Variants in NTN1 observed in about 807,000 individuals in gnomAD.
The protein encoded by NTN1 is netrin-1.
A neutral mutation model predicts 54.2 loss-of-function variants in NTN1; 11 were observed. The observed-to-expected ratio is 0.20, with a 90% CI of 0.13 to 0.34. The LOEUF is 0.34. Among genes scored for constraint, NTN1 ranks in the 10% least tolerant of loss-of-function variants. The pLI is 1.00. For synonymous variants in NTN1, 371 were observed against 382.0 expected (o/e 0.97, Z 0.33); for missense variants, 740 against 893.1 (o/e 0.83, Z 2.18).
At chr17:9,234,209 C>T (rs1379967688) in intron 6 of NTN1, among the ~76,000 whole-genome samples, 1 of 152,220 alleles carries the variant, frequency 6.6e-6, no homozygotes, top group Non-Finnish European at 1.5e-5. Flanking sequence ...CCTCTTAGCT[C>T]GCACTGTCCT....
Position 9,022,354 on chromosome 17 carries a change from C to T in NTN1, c.-20C>T. On this transcript the variant is annotated 5_prime_UTR_variant, in exon 2 of 7. Coordinates refer to ENST00000173229, the MANE Select transcript of NTN1 (RefSeq NM_004822.3). ...GGACAGATCCTCGGCGCGGCAGGGC[C>T]GGGGCAAGCTGGACGCAGCATGATG... 1 of 1,282,368 alleles carries T rather than the reference C, an allele frequency of 7.8e-7. No individual in the cohort carries two copies. Among genetic ancestry groups the T allele is most frequent in the Admixed American group, 4.2e-5 (1 of 23,646 alleles). The allele number at this position is 1,282,368 out of a possible 1,614,324, so 79.4% of individuals were successfully genotyped here.
intron 2 of NTN1, among the ~76,000 whole-genome samples, chr17:9,059,963 A>C (rs891980189): frequency 1.3e-5 from 2 of 152,164 alleles, no homozygotes; most frequent in Non-Finnish European, 2.9e-5. Flanking sequence ...CACAGTGGCA[A>C]AAATGGCACC....
intron 2 of NTN1, among the ~76,000 whole-genome samples, chr17:9,056,034 A>G (rs1325343705): frequency 1.3e-5 from 2 of 151,716 alleles, no homozygotes; most frequent in African/African-American, 4.8e-5. Flanking sequence ...AGAAGCTGGG[A>G]CTACAGGTGC....
chr17:9,012,996 C>G, the NTN1 span, among the ~76,000 whole-genome samples: 1 of 151,888 alleles, frequency 6.6e-6, no homozygotes, highest in Admixed American at 6.6e-5. Flanking sequence ...GGGATGTATA[C>G]ATTCTAGGAG....
intron 2 of NTN1, among the ~76,000 whole-genome samples, chr17:9,092,244 T>C (rs557053970): frequency 1.1e-4 from 17 of 151,968 alleles, no homozygotes; most frequent in African/African-American, 3.9e-4. Context: ...GTTGTGTAAA[T>C]GTGTCAGAAT....
intron 2 of NTN1, among the ~76,000 whole-genome samples, chr17:9,154,061 G>C (rs1429089833): frequency 6.6e-6 from 1 of 152,218 alleles, no homozygotes; most frequent in Non-Finnish European, 1.5e-5. Flanking sequence ...GGTCCCCGTA[G>C]GGGTCATCCA....
At chr17:9,202,979 T>C (rs1045927193) in intron 5 of NTN1, among the ~76,000 whole-genome samples, 4 of 152,208 alleles carry the variant, frequency 2.6e-5, no homozygotes, top group Non-Finnish European at 4.4e-5. Context: ...TAGAGTGCAG[T>C]GGCGCGATCT....
At chr17:9,086,840 C>A (rs1304215375) in intron 2 of NTN1, among the ~76,000 whole-genome samples, 1 of 152,112 alleles carries the variant, frequency 6.6e-6, no homozygotes. Context: ...GTCATCATCA[C>A]CATTATTGTC....
intron 6 of NTN1, among the ~76,000 whole-genome samples, chr17:9,227,414 G>A (rs1905614448): frequency 7.5e-6 from 1 of 132,598 alleles, no homozygotes; most frequent in African/African-American, 2.9e-5. Flanking sequence ...CACACCACAT[G>A]CACACATACA....
At chr17:9,207,203 T>C (rs1005483856) in intron 5 of NTN1, among the ~76,000 whole-genome samples, 3 of 152,068 alleles carry the variant, frequency 2.0e-5, no homozygotes, top group African/African-American at 7.2e-5. Flanking sequence ...AACTGAAAAA[T>C]GTATCACTGC....
chr17:9,108,933 G>C (rs1229334340), intron 2 of NTN1, among the ~76,000 whole-genome samples: 1 of 152,034 alleles, frequency 6.6e-6, no homozygotes, highest in Non-Finnish European at 1.5e-5. Context: ...CTGGAGTGCA[G>C]TGGTGTGATC....
At chr17:9,045,224 C>G (rs34094467) in intron 2 of NTN1, among the ~76,000 whole-genome samples, 1 of 152,192 alleles carries the variant, frequency 6.6e-6, no homozygotes, top group African/African-American at 2.4e-5. Flanking sequence ...GGCTCACTCC[C>G]GTCTGTACAT....
rs2142275008 is a variant in NTN1 at position 9,135,961 on chromosome 17, C to A, written c.1019-26852C>A. ...GCGCACGCTCACTCATACATGTGTGCACGTGCCTACTCAAACTCGACACCC... is the reference window on the plus strand; with the variant it reads ...GCGCACGCTCACTCATACATGTGTGAACGTGCCTACTCAAACTCGACACCC... On this transcript the variant is annotated intron_variant, in intron 2 of 6. Coordinates refer to ENST00000173229, the MANE Select transcript of NTN1 (RefSeq NM_004822.3). This position sits in a 1 kb window ranked among gnomAD's most constrained non-coding sequence, Gnocchi z 4.4. Among the ~76,000 whole-genome samples the A allele has an allele frequency of 6.6e-6, 1 of 152,360 alleles. No individual in the cohort carries two copies. Among genetic ancestry groups the A allele is most frequent in the Non-Finnish European group, 1.5e-5 (1 of 68,036 alleles).
At chr17:9,169,919 T>C (rs2092383042) in intron 3 of NTN1, among the ~76,000 whole-genome samples, 1 of 152,196 alleles carries the variant, frequency 6.6e-6, no homozygotes, top group African/African-American at 2.4e-5. Flanking sequence ...GTTCCTGTGC[T>C]TGAGCAGAAA....
At chr17:9,132,310 G>A (rs1224938576) in intron 2 of NTN1, among the ~76,000 whole-genome samples, 1 of 152,038 alleles carries the variant, frequency 6.6e-6, no homozygotes, top group Non-Finnish European at 1.5e-5. Context: ...CTTTGTTCCT[G>A]CTGTTCCGCC....
intron 2 of NTN1, among the ~76,000 whole-genome samples, chr17:9,039,123 G>C (rs1012982900): frequency 1.3e-5 from 2 of 152,034 alleles, no homozygotes; most frequent in African/African-American, 4.8e-5. Context: ...CTGTTTTCCT[G>C]CCACTTTCTA....
intron 2 of NTN1, among the ~76,000 whole-genome samples, chr17:9,100,972 G>A (rs1163565082): frequency 6.6e-6 from 1 of 152,078 alleles, no homozygotes; most frequent in African/African-American, 2.4e-5. Flanking sequence ...CTACCATTGA[G>A]ATCTCCTGCC....
chr17:9,179,998 G>T lies in NTN1; in HGVS notation c.1357+42G>T, dbSNP rs754453256. 9 of 1,585,352 alleles carry T rather than the reference G, an allele frequency of 5.7e-6. No homozygotes were observed. In the Admixed American group the frequency reaches 1.4e-4, roughly 25 times the overall value. On this transcript the variant is annotated intron_variant, in intron 4 of 6. Coordinates refer to ENST00000173229, the MANE Select transcript of NTN1 (RefSeq NM_004822.3). ...CTGCTTTTCAAGTCTCTGGCTTTGT[G>T]GGGGACAGTGAGCTTTTGAGGATGC...
Position 9,239,147 on chromosome 17 carries a change from G to T in NTN1, c.1487-493G>T, listed in dbSNP as rs1194995835. Among the ~76,000 whole-genome samples the T allele has an allele frequency of 6.6e-6, 1 of 152,202 alleles. No homozygotes were observed. The highest frequency in any genetic ancestry group is 1.9e-4 in the East Asian group (1 of 5,202). ...GGGTGGGTTCTCATCTTCTGTCCCT[G>T]AGCATTGAGGACCCATTATGGTTTT... On this transcript the variant is annotated intron_variant, in intron 6 of 6. Coordinates refer to ENST00000173229, the MANE Select transcript of NTN1 (RefSeq NM_004822.3). This position sits in a 1 kb window ranked among gnomAD's most constrained non-coding sequence, Gnocchi z 5.2.
Sources: gnomAD v4.1 joint callset for allele counts (sites outside exome capture counted in the v4.1 genomes callset) on GRCh38, gnomAD v4.1.1 for gene constraint, Gnocchi (gnomAD v3.1) non-coding constraint, MANE v1.5 for transcripts, NCBI Gene and HGNC (gene_info 2026-07-23, HGNC 2026-07-21) for gene names.